The following COG2 variants were observed in gnomAD, a reference collection of about 807,000 sequenced individuals.
COG2 encodes conserved oligomeric Golgi complex subunit 2.
A neutral mutation model predicts 90.6 loss-of-function variants in COG2; 52 were observed. The ratio of observed to expected loss-of-function variants is 0.57; its 90% confidence interval spans 0.46 to 0.72. COG2 has a LOEUF of 0.72. Ranked by LOEUF, COG2 falls within the 30% of genes least tolerant of loss-of-function variation. The probability of loss-of-function intolerance (pLI) is 0.00; values close to 1 mark genes in which losing one functional copy is unlikely to be tolerated. For synonymous variants in COG2, 337 were observed against 320.4 expected (o/e 1.05, Z -0.55); for missense variants, 829 against 891.2 (o/e 0.93, Z 0.89).
At chr1:230,647,036 T>G in intron 1 of COG2, among the ~76,000 whole-genome samples, 1 of 152,100 alleles carries the variant, frequency 6.6e-6, no homozygotes, top group African/African-American at 2.4e-5. Flanking sequence ...GTGTTCTACA[T>G]CACAGGCAGG....
At chr1:230,645,416 C>T (rs1661745316) in intron 1 of COG2, among the ~76,000 whole-genome samples, 1 of 152,030 alleles carries the variant, frequency 6.6e-6, no homozygotes. Flanking sequence ...TCACGTATGA[C>T]TTCATGTGTT....
At position 230,642,497 on chromosome 1, in the gene COG2, A is replaced by AC. The variant is rs11361885; in HGVS notation, c.-104dup. The AC allele has an allele frequency of 1.1e-4, 107 of 980,488 alleles. 1 individual carries two copies. The highest frequency in any genetic ancestry group is 5.3e-4 in the Admixed American group (18 of 33,836). 60.7% of individuals were successfully genotyped at this position (980,488 alleles called of 1,614,324 possible). On this transcript the variant is annotated 5_prime_UTR_variant, in exon 1 of 18. It removes the in-frame stop codon of an upstream open reading frame in the 5' UTR. Coordinates refer to ENST00000366669, the MANE Select transcript of COG2 (RefSeq NM_007357.3). ...GGCGCTGCCATGTTGGCGGAAGCGG[A>AC]CCCCCCTGTGCCGTGGAAACTGGCG...
At chr1:230,646,667 G>A (rs947347067) in intron 1 of COG2, among the ~76,000 whole-genome samples, 7 of 151,266 alleles carry the variant, frequency 4.6e-5, no homozygotes, top group Non-Finnish European at 7.4e-5. Flanking sequence ...CCTCAAACTC[G>A]GCATATTTAA....
intron 9 of COG2, among the ~76,000 whole-genome samples, chr1:230,676,192 A>G (rs1189148191): frequency 1.3e-5 from 2 of 152,216 alleles, no homozygotes; most frequent in South Asian, 2.1e-4. Flanking sequence ...CTAACTGTCA[A>G]TGCATTTGAC....
At chr1:230,642,767 T>A in intron 1 of COG2, 89 bp downstream of exon 1, 1 of 1,288,650 alleles carries the variant, frequency 7.8e-7, no homozygotes, top group Non-Finnish European at 1.1e-6. Flanking sequence ...CGGCTGCTCC[T>A]GCCTGCGCAC....
chr1:230,662,789 G>A (rs1466524644), intron 3 of COG2, among the ~76,000 whole-genome samples: 1 of 151,830 alleles, frequency 6.6e-6, no homozygotes, highest in Non-Finnish European at 1.5e-5. Flanking sequence ...TTTTCTCTAC[G>A]CTTGTCAGCA....
In COG2 at chr1:230,648,279, T is replaced by C. The variant is rs72759021; in HGVS notation, c.72+5601T>C. On this transcript the variant is annotated intron_variant, in intron 1 of 17. Coordinates refer to ENST00000366669, the MANE Select transcript of COG2 (RefSeq NM_007357.3). ...TGAGATACAGGAAAGCGGATGTAAGTGTGAAGGCAACAGCCCAGTGTTGCT... is the reference window on the plus strand; with the variant it reads ...TGAGATACAGGAAAGCGGATGTAAGCGTGAAGGCAACAGCCCAGTGTTGCT... Among the ~76,000 whole-genome samples the C allele has an allele frequency of 8.2e-3, 1,250 of 152,360 alleles. 14 individuals carry two copies. Among genetic ancestry groups the C allele is most frequent in the Non-Finnish European group, 0.014 (935 of 68,040 alleles).
At chr1:230,649,914 A>G (rs986128333) in intron 1 of COG2, among the ~76,000 whole-genome samples, 2 of 152,002 alleles carry the variant, frequency 1.3e-5, no homozygotes, top group African/African-American at 2.4e-5. Context: ...TATTAATTCC[A>G]TCTTTATGTC....
At chr1:230,677,892 C>A in intron 9 of COG2, 1 of 272,786 alleles carries the variant, frequency 3.7e-6, no homozygotes, top group Non-Finnish European at 5.6e-6. Flanking sequence ...CCATTATATG[C>A]AGAGGTATAG....
chr1:230,659,258 C>T (rs1231387681), intron 1 of COG2, among the ~76,000 whole-genome samples: 1 of 152,176 alleles, frequency 6.6e-6, no homozygotes, highest in Admixed American at 6.6e-5. Context: ...AGGATGTTCT[C>T]AGTCAGGGGC....
intron 5 of COG2, among the ~76,000 whole-genome samples, chr1:230,667,263 C>G (rs1662343134): frequency 6.6e-6 from 1 of 152,008 alleles, no homozygotes; most frequent in East Asian, 1.9e-4. Context: ...TGTTTCTAGA[C>G]ATACTCTTAT....
chr1:230,662,275 CTG>C (rs1403672653), intron 3 of COG2, among the ~76,000 whole-genome samples: 6 of 152,180 alleles, frequency 3.9e-5, no homozygotes, highest in African/African-American at 1.4e-4. Flanking sequence ...TGAAGCTACT[CTG>C]TGAGATTCTG....
chr1:230,666,842 C>T (rs1258222342), intron 5 of COG2, among the ~76,000 whole-genome samples: 2 of 152,134 alleles, frequency 1.3e-5, no homozygotes, highest in East Asian at 1.9e-4. Context: ...GGTTATAAAA[C>T]GATATGGATT....
chr1:230,652,995 T>G (rs1336485917), intron 1 of COG2, among the ~76,000 whole-genome samples: 1 of 152,090 alleles, frequency 6.6e-6, no homozygotes, highest in Non-Finnish European at 1.5e-5. Context: ...GTTAACCCCC[T>G]CTTTTTATAG....
At chr1:230,647,400 A>G (rs1028016616) in intron 1 of COG2, among the ~76,000 whole-genome samples, 3 of 152,180 alleles carry the variant, frequency 2.0e-5, no homozygotes, top group African/African-American at 7.2e-5. Context: ...GGTGTGTCCA[A>G]GAGAATAATG....
chr1:230,672,310 G>C (rs1192706572), intron 8 of COG2, among the ~76,000 whole-genome samples: 1 of 152,120 alleles, frequency 6.6e-6, no homozygotes, highest in Non-Finnish European at 1.5e-5. Context: ...CTCGAAGCAG[G>C]GCATGAGGCC....
At chr1:230,673,351 C>T (rs1034375472) in intron 8 of COG2, among the ~76,000 whole-genome samples, 6 of 152,184 alleles carry the variant, frequency 3.9e-5, no homozygotes, top group African/African-American at 4.8e-5. Context: ...TTCCCTTGCT[C>T]GGCTCCTGGC....
chr1:230,679,578 A>G (rs1449397683), intron 10 of COG2: 1 of 152,282 alleles, frequency 6.6e-6, no homozygotes, highest in African/African-American at 2.4e-5. Context: ...CGTCTTTGTG[A>G]CATTTGTACC....
chr1:230,654,745 ATTTG>A (rs1200395301), intron 1 of COG2, among the ~76,000 whole-genome samples: 9 of 152,266 alleles, frequency 5.9e-5, no homozygotes, highest in Admixed American at 5.2e-4. Context: ...ATGTTTTTCC[ATTTG>A]TTTGTGTCCT....
Sources: allele counts gnomAD v4.1 joint callset (sites outside exome capture counted in the v4.1 genomes callset), GRCh38; gene constraint gnomAD v4.1.1; transcripts MANE v1.5; gene names NCBI Gene and HGNC (gene_info 2026-07-23, HGNC 2026-07-21).